The following CSNK2A1 variants were observed in gnomAD, a reference collection of about 807,000 sequenced individuals.
CSNK2A1 encodes the protein casein kinase 2 alpha 1, also known as casein kinase II subunit alpha.
In CSNK2A1, 10 loss-of-function variants were observed where a neutral mutation model predicts 62.9. That is an observed-to-expected ratio of 0.16 (90% confidence interval 0.10 to 0.27). The LOEUF (loss-of-function observed/expected upper bound fraction) is 0.27, where lower values mean the gene tolerates loss of function less well. Among genes scored for constraint, CSNK2A1 ranks in the 10% least tolerant of loss-of-function variants. The pLI, the probability that CSNK2A1 is intolerant of heterozygous loss-of-function variation, is 1.00. For synonymous variants in CSNK2A1, 124 were observed against 167.8 expected, an observed-to-expected ratio of 0.74 and a Z score of 2.02; for missense variants, 160 against 492.0, an observed-to-expected ratio of 0.33 and a Z score of 6.38.
At chr20:535,854 G>A (rs530963936) in intron 1 of CSNK2A1, among the ~76,000 whole-genome samples, 1 of 152,228 alleles carries the variant, frequency 6.6e-6, no homozygotes, top group South Asian at 2.1e-4. Context: ...TGGATTACCT[G>A]AGAGAGCAAG....
Position 543,779 on chromosome 20 carries a change from C to T in CSNK2A1, c.-334G>A, listed in dbSNP as rs2019507633. The T allele has an allele frequency of 2.8e-5, 11 of 398,344 alleles. No homozygotes were observed. Among genetic ancestry groups the T allele is most frequent in the South Asian group, 2.6e-4 (2 of 7,808 alleles). The allele number at this position is 398,344 out of a possible 1,614,324, so 24.7% of individuals were successfully genotyped here. A position where few individuals can be genotyped will look rare whatever the true frequency, so the allele number is the denominator to read the frequency against. On this transcript the variant is annotated 5_prime_UTR_variant, in exon 1 of 14. Transcript: ENST00000217244. Reference sequence around the variant, plus strand: ...CGGCTCGGCCGCCAGCCGCAGGGACCAGAGCGAGGCTGCAGCCGCTGCTGC... The same window carrying T: ...CGGCTCGGCCGCCAGCCGCAGGGACTAGAGCGAGGCTGCAGCCGCTGCTGC...
At chr20:502,237 A>G (rs1055293953) in intron 4 of CSNK2A1, 7 of 152,212 alleles carry the variant, frequency 4.6e-5, no homozygotes, top group African/African-American at 1.7e-4. Context: ...CCAATACAAT[A>G]TCTACCTAAG....
At chr20:537,340 T>C (rs960160993) in intron 1 of CSNK2A1, among the ~76,000 whole-genome samples, 1 of 152,192 alleles carries the variant, frequency 6.6e-6, no homozygotes, top group Non-Finnish European at 1.5e-5. Flanking sequence ...TTGCCGACCA[T>C]AGCAACTGTT....
chr20:532,806 A>G (rs2019240304), intron 1 of CSNK2A1, among the ~76,000 whole-genome samples: 1 of 152,202 alleles, frequency 6.6e-6, no homozygotes, highest in African/African-American at 2.4e-5. Flanking sequence ...TATAGACCAG[A>G]TGTACTAACA....
At position 508,422 on chromosome 20, in the gene CSNK2A1, A is replaced by G; in HGVS notation, c.101+29T>C. On this transcript the variant is annotated intron_variant, in intron 3 of 13. Transcript: ENST00000217244. ...TCCACAAGATTCAGCCCTTTGAGTG[A>G]GTATAATGAAGTCAACAAAAACAAT... 1.9e-6 allele frequency: 3 copies of G among 1,610,490 alleles called. No homozygotes were observed. In the South Asian group the frequency reaches 3.3e-5, roughly 18 times the overall value.
chr20:511,108 G>C (rs1481222359), intron 2 of CSNK2A1, among the ~76,000 whole-genome samples: 5 of 152,090 alleles, frequency 3.3e-5, no homozygotes, highest in African/African-American at 4.8e-5. Flanking sequence ...GGAGGCTTAA[G>C]AGGGTGGATC....
At chr20:517,761 A>T (rs2122597727) in intron 2 of CSNK2A1, among the ~76,000 whole-genome samples, 1 of 152,290 alleles carries the variant, frequency 6.6e-6, no homozygotes, top group East Asian at 1.9e-4. Context: ...ACATTTTGTT[A>T]TCTTCTATAA....
rs762857214 is a variant in CSNK2A1 at position 508,568 on chromosome 20, G to C, written c.-17C>G. The C allele has an allele frequency of 6.2e-6, 10 of 1,601,232 alleles. No individual in the cohort carries two copies. The highest frequency in any genetic ancestry group is 1.3e-5 in the African/African-American group (1 of 74,660). On this transcript the variant is annotated 5_prime_UTR_variant, in exon 3 of 14. Transcript: ENST00000217244. ...TCCCGACATGTCAGACAGGTTGGCG[G>C]ACAAAGCTGGACTTGATGTTTGGAG...
At chr20:523,940 T>C (rs1383697852) in intron 2 of CSNK2A1, among the ~76,000 whole-genome samples, 1 of 151,186 alleles carries the variant, frequency 6.6e-6, no homozygotes, top group African/African-American at 2.4e-5. Flanking sequence ...AGGCTAGGTA[T>C]GTTACCAAGG....
At chr20:529,289 G>A in intron 1 of CSNK2A1, among the ~76,000 whole-genome samples, 1 of 150,858 alleles carries the variant, frequency 6.6e-6, no homozygotes. Context: ...CCCTCCCAAA[G>A]TGCTGGGATT....
chr20:523,763 C>T (rs1016219152), intron 2 of CSNK2A1, among the ~76,000 whole-genome samples: 21 of 149,404 alleles, frequency 1.4e-4, no homozygotes, highest in Non-Finnish European at 2.5e-4. Flanking sequence ...CGGTGGTGGG[C>T]GCCTGTAGTC....
chr20:474,988 C>T lies in CSNK2A1; in HGVS notation c.*8973G>A, dbSNP rs530722858. ...CAAATATACTGAGAAGTGCCCCAAA[C>T]GTAAATGGAGAGTTTAACAAATAAT... On this transcript the variant is annotated 3_prime_UTR_variant, in exon 14 of 14. Transcript: ENST00000217244. The T allele has an allele frequency of 2.0e-5, 3 of 152,234 alleles. No homozygotes were observed. The highest frequency in any genetic ancestry group is 1.9e-4 in the East Asian group (1 of 5,182). The allele number at this position is 152,234 out of a possible 1,614,324, so 9.4% of individuals were successfully genotyped here. A position where few individuals can be genotyped will look rare whatever the true frequency, so the allele number is the denominator to read the frequency against.
chr20:485,102 A>T (rs1261078944), intron 13 of CSNK2A1, among the ~76,000 whole-genome samples: 96 of 50,498 alleles, frequency 1.9e-3, no homozygotes, highest in African/African-American at 3.2e-3. Flanking sequence ...AAAAAAAAAA[A>T]AAAAAAAATA....
Position 482,601 on chromosome 20 carries a change from G to A in CSNK2A1, c.*1360C>T, listed in dbSNP as rs540097263. 1 of 152,620 alleles carries A rather than the reference G, an allele frequency of 6.6e-6. No individual in the cohort carries two copies. The highest frequency in any genetic ancestry group is 2.1e-4 in the South Asian group (1 of 4,828). 9.5% of individuals were successfully genotyped at this position (152,620 alleles called of 1,614,324 possible). On this transcript the variant is annotated 3_prime_UTR_variant, in exon 14 of 14. Coordinates refer to ENST00000217244, the MANE Select transcript of CSNK2A1 (RefSeq NM_177559.3). Reference sequence around the variant, plus strand: ...GGGGTGTATAAAATGGGGGCCTTGGGAAGCCTCCACGGTACAGGGCTGCAG... The same window carrying A: ...GGGGTGTATAAAATGGGGGCCTTGGAAAGCCTCCACGGTACAGGGCTGCAG...
chr20:493,245 G>A (rs1006455575), intron 8 of CSNK2A1, among the ~76,000 whole-genome samples: 19 of 151,910 alleles, frequency 1.3e-4, no homozygotes, highest in African/African-American at 4.4e-4. Context: ...AATTCTGAAG[G>A]TTCTATCATA....
intron 4 of CSNK2A1, chr20:500,360 C>G (rs561964323): frequency 1.0e-5 from 2 of 191,130 alleles, no homozygotes; most frequent in East Asian, 1.4e-4. Context: ...GGGCCAACAA[C>G]AAGGATGGCC....
In CSNK2A1 at chr20:478,007, T is replaced by A. The variant is rs145588160; in HGVS notation, c.*5954A>T. ...TCTTTCTCTGAAATAGGCATTTGCA[T>A]TTTTCCTAGGATTTTTTTTTTAAAA... is the stretch of plus-strand genomic sequence containing the variant. On this transcript the variant is annotated 3_prime_UTR_variant, in exon 14 of 14. Coordinates refer to ENST00000217244, the MANE Select transcript of CSNK2A1 (RefSeq NM_177559.3). 2.0e-5 allele frequency: 3 copies of A among 149,022 alleles called. No individual in the cohort carries two copies. Among genetic ancestry groups the A allele is most frequent in the Non-Finnish European group, 4.4e-5 (3 of 67,824 alleles). 9.2% of individuals were successfully genotyped at this position (149,022 alleles called of 1,614,324 possible).
At chr20:504,888 T>C (rs1039702181) in intron 4 of CSNK2A1, 14 of 461,648 alleles carry the variant, frequency 3.0e-5, no homozygotes, top group Admixed American at 1.2e-4. Flanking sequence ...TTTGCTCCCT[T>C]ACTCTGCCAC....
At chr20:518,676 A>G (rs2122600439) in intron 2 of CSNK2A1, among the ~76,000 whole-genome samples, 1 of 150,062 alleles carries the variant, frequency 6.7e-6, no homozygotes, top group Middle Eastern at 3.6e-3. Flanking sequence ...CCTCCCGAGT[A>G]GCTGGGACTA....
Sources: allele counts gnomAD v4.1 joint callset (sites outside exome capture counted in the v4.1 genomes callset), GRCh38; gene constraint gnomAD v4.1.1; transcripts MANE v1.5; gene names NCBI Gene and HGNC (gene_info 2026-07-23, HGNC 2026-07-21).